COBLL1: variants seen among roughly 807,000 people sequenced by gnomAD.
COBLL1 encodes cordon-bleu WH2 repeat protein like 1.
A neutral mutation model predicts 94.8 loss-of-function variants in COBLL1; 50 were observed. The observed-to-expected ratio is 0.53, with a 90% CI of 0.42 to 0.67. The LOEUF (loss-of-function observed/expected upper bound fraction) is 0.67. COBLL1 is among the 30% of genes least tolerant of loss of function. The probability of loss-of-function intolerance (pLI) is 0.00; values close to 1 mark genes in which losing one functional copy is unlikely to be tolerated. For synonymous variants in COBLL1, 448 were observed against 473.8 expected (o/e 0.95, Z 0.71); for missense variants, 1,362 against 1,348.7 (o/e 1.01, Z -0.15).
Position 164,705,103 on chromosome 2 carries a change from A to T in COBLL1, c.999T>A (p.Ser333Arg). 2.0e-6 allele frequency: 3 copies of T among 1,507,322 alleles called. No individual in the cohort carries two copies. Among genetic ancestry groups the T allele is most frequent in the Non-Finnish European group, 2.7e-6 (3 of 1,130,198 alleles). The allele number at this position is 1,507,322 out of a possible 1,614,324, so 93.4% of individuals were successfully genotyped here. A position where few individuals can be genotyped will look rare whatever the true frequency, so the allele number is the denominator to read the frequency against. The stretch of plus-strand genomic sequence containing the variant: ...CCCTCACTCTTCCTGCTTCACAGGG[A>T]CTCTGGAAAACAAAATGACCAAATA... Reference protein sequence around the residue: ...KSMSVDETDKSPCEAGRVRAG... With the variant: ...KSMSVDETDKRPCEAGRVRAG... Residue 333 changes from serine to arginine, a missense_variant and splice_region_variant, in exon 8 of 14, where the codon AGT becomes AGA. Ser to Arg is a moderately radical substitution (Grantham distance 110). Coordinates refer to ENST00000652658, the MANE Select transcript of COBLL1 (RefSeq NM_001365672.2).
chr2:164,666,118 ATAAT>A (rs1324470770), intron 1 of COBLL1, among the ~76,000 whole-genome samples: 1 of 152,208 alleles, frequency 6.6e-6, no homozygotes, highest in African/African-American at 2.4e-5. Context: ...ATAGATATGT[ATAAT>A]TATTATATGT....
intron 2 of COBLL1, among the ~76,000 whole-genome samples, chr2:164,812,499 T>TCCC: frequency 6.6e-6 from 1 of 152,116 alleles, no homozygotes; most frequent in Admixed American, 6.6e-5. Context: ...GGTGAGCAAA[T>TCCC]AGCCTTTTTG....
chr2:164,658,063 A>G (rs1027414712), intron 2 of COBLL1, among the ~76,000 whole-genome samples: 1 of 152,058 alleles, frequency 6.6e-6, no homozygotes, highest in Non-Finnish European at 1.5e-5. Flanking sequence ...GCAACAGGTG[A>G]TTGGCTATTT....
rs750847604 is a variant in COBLL1 at position 164,694,955 on chromosome 2, T to G, written c.2437A>C (p.Ser813Arg). Residue 813 changes from serine (S) to arginine (R), a missense_variant, in exon 12 of 14, where the codon AGC becomes CGC. Physicochemically the swap from Ser to Arg is moderately radical, Grantham distance 110. Transcript: ENST00000652658. ...RTEHQVPSSV[S>R]SPDDAMVSPL... ...CTAACCATGGCATCATCAGGTGAGC[T>G]CACAGAACTGGGCACTTGATGCTCT... The G allele has an allele frequency of 6.2e-7, 1 of 1,614,022 alleles. No homozygotes were observed. Among genetic ancestry groups the G allele is most frequent in the Non-Finnish European group, 8.5e-7 (1 of 1,179,956 alleles).
intron 2 of COBLL1, among the ~76,000 whole-genome samples, chr2:164,839,275 A>G (rs1221478225): frequency 6.6e-6 from 1 of 152,218 alleles, no homozygotes; most frequent in Admixed American, 6.5e-5. Context: ...TTTTAAGCAA[A>G]GAACTTATCA....
At chr2:164,781,878 C>T (rs1688737674) in intron 2 of COBLL1, among the ~76,000 whole-genome samples, 1 of 152,084 alleles carries the variant, frequency 6.6e-6, no homozygotes, top group East Asian at 1.9e-4. Flanking sequence ...GGTATTCAAA[C>T]CTCATTACTG....
intron 13 of COBLL1, among the ~76,000 whole-genome samples, chr2:164,691,651 A>C (rs955804050): frequency 6.6e-6 from 1 of 152,164 alleles, no homozygotes; most frequent in Non-Finnish European, 1.5e-5. Context: ...TCCTGAGAAA[A>C]AGCAGACTTC....
intron 3 of COBLL1, among the ~76,000 whole-genome samples, chr2:164,742,965 TCTATAGTTCATGTAACTTTC>T (rs1445932291): frequency 1.3e-5 from 2 of 152,006 alleles, no homozygotes; most frequent in African/African-American, 2.4e-5. Context: ...CAAGACCAAG[TCTATAGTTCATGTAACTTTC>T]CACTTCAAAG....
At position 164,683,040 on chromosome 2, in the gene COBLL1, A is replaced by AC. The variant is rs1553467669; in HGVS notation, c.*2905_*2906insG. The AC allele has an allele frequency of 5.3e-5, 8 of 151,512 alleles. No homozygotes were observed. The highest frequency in any genetic ancestry group is 1.7e-4 in the African/African-American group (7 of 40,900). The allele number at this position is 151,512 out of a possible 1,614,324, so 9.4% of individuals were successfully genotyped here. On this transcript the variant is annotated 3_prime_UTR_variant, in exon 14 of 14. Coordinates refer to ENST00000652658, the MANE Select transcript of COBLL1 (RefSeq NM_001365672.2). ...CACACACACACACACACACACACAC[A>AC]AAAGCCCCCAACAAACCTGCACACA...
chr2:164,714,837 T>A (rs13408169), intron 7 of COBLL1, among the ~76,000 whole-genome samples: 9,151 of 152,246 alleles, frequency 0.06, 325 homozygotes, highest in African/African-American at 0.11. Flanking sequence ...TTCAATACTA[T>A]TTTATTAACT....
intron 2 of COBLL1, among the ~76,000 whole-genome samples, chr2:164,764,431 A>G (rs1323093004): frequency 1.3e-5 from 2 of 152,336 alleles, no homozygotes; most frequent in African/African-American, 4.8e-5. Flanking sequence ...AAATGCTATA[A>G]CTTTAGATTT....
chr2:164,667,578 G>A (rs936900765), intron 1 of COBLL1, among the ~76,000 whole-genome samples: 1 of 152,220 alleles, frequency 6.6e-6, no homozygotes, highest in African/African-American at 2.4e-5. Context: ...GCTTGCTGCA[G>A]CTTCTACATC....
intron 2 of COBLL1, among the ~76,000 whole-genome samples, chr2:164,805,344 T>TGTATATAA (rs1559033740): frequency 2.0e-5 from 2 of 100,542 alleles, no homozygotes; most frequent in African/African-American, 8.1e-5. Flanking sequence ...TCTCTATATA[T>TGTATATAA]ATATATATAT....
chr2:164,684,380 C>T lies in COBLL1; in HGVS notation c.*1566G>A, dbSNP rs921016740. On this transcript the variant is annotated 3_prime_UTR_variant, in exon 14 of 14. Coordinates refer to ENST00000652658, the MANE Select transcript of COBLL1 (RefSeq NM_001365672.2). ...ATATATGAAGGTTTAAATTAGGGAT[C>T]CAAATTTATATTTTTATAAGTAGAT... is the stretch of plus-strand genomic sequence containing the variant. 16 of 151,958 alleles carry T rather than the reference C, an allele frequency of 1.1e-4. No homozygotes were observed. The highest frequency in any genetic ancestry group is 3.9e-4 in the African/African-American group (16 of 41,388). The allele number at this position is 151,958 out of a possible 1,614,324, so 9.4% of individuals were successfully genotyped here.
intron 8 of COBLL1, 120 bp from the exon 9 acceptor site, chr2:164,704,638 A>G: frequency 1.2e-6 from 1 of 803,968 alleles, no homozygotes; most frequent in African/African-American, 1.7e-5. Flanking sequence ...CCATTTTACT[A>G]TCTAGCTGTA....
chr2:164,744,045 C>G (rs980093919), intron 2 of COBLL1, among the ~76,000 whole-genome samples, 170 bp from the exon 3 acceptor site: 3 of 151,870 alleles, frequency 2.0e-5, no homozygotes, highest in Non-Finnish European at 4.4e-5. Context: ...TTTTGTTTTC[C>G]TTTTCCAGTC....
intron 9 of COBLL1, 116 bp downstream of exon 9, chr2:164,704,328 G>T (rs1040308264): frequency 2.7e-6 from 2 of 730,526 alleles, no homozygotes; most frequent in African/African-American, 1.8e-5. Context: ...TTTGGGAAAT[G>T]AGGCCAAAGA....
At chr2:164,705,949 G>A (rs1230734361) in intron 7 of COBLL1, among the ~76,000 whole-genome samples, 2 of 152,158 alleles carry the variant, frequency 1.3e-5, no homozygotes, top group African/African-American at 4.8e-5. Context: ...CAGGAGAATC[G>A]CTTGAATCCC....
intron 1 of COBLL1, among the ~76,000 whole-genome samples, chr2:164,671,164 G>A (rs1308358593): frequency 6.6e-6 from 1 of 152,110 alleles, no homozygotes; most frequent in African/African-American, 2.4e-5. Flanking sequence ...ATTCTCAGAA[G>A]TAAAAGGCAT....
Sources: gnomAD v4.1 joint callset for allele counts (sites outside exome capture counted in the v4.1 genomes callset) on GRCh38, gnomAD v4.1.1 for gene constraint, MANE v1.5 for transcripts, NCBI Gene and HGNC (gene_info 2026-07-23, HGNC 2026-07-21) for gene names.